PRLR: variants seen among roughly 807,000 people sequenced by gnomAD.
PRLR encodes the protein prolactin receptor, also known as hPRL receptor.
Under a neutral mutation model 40.2 loss-of-function variants are expected in PRLR, and 13 were observed. That is an observed-to-expected ratio of 0.32 (90% CI 0.21 to 0.51). PRLR has a LOEUF of 0.51. Ranked by LOEUF, PRLR falls within the 20% of genes least tolerant of loss-of-function variation. PRLR has a pLI of 0.97. For missense variants in PRLR, 656 were observed against 747.3 expected (o/e 0.88, Z 1.42); for synonymous variants, 269 against 278.7 (o/e 0.97, Z 0.35).
intron 1 of PRLR, among the ~76,000 whole-genome samples, chr5:35,119,382 TCTCTCA>T (rs1346747737): frequency 7.1e-6 from 1 of 139,914 alleles, no homozygotes; most frequent in African/African-American, 3.2e-5. Flanking sequence ...TCTCTCTCTC[TCTCTCA>T]CACACACACA....
At chr5:35,082,755 C>CATTTTAAA (rs1770601264) in intron 5 of PRLR, among the ~76,000 whole-genome samples, 1 of 152,046 alleles carries the variant, frequency 6.6e-6, no homozygotes, top group African/African-American at 2.4e-5. Context: ...GAAAATGTAC[C>CATTTTAAA]GTGCATTTTA....
intron 1 of PRLR, among the ~76,000 whole-genome samples, chr5:35,144,373 TTA>T: frequency 6.6e-6 from 1 of 152,278 alleles, no homozygotes; most frequent in Non-Finnish European, 1.5e-5. Flanking sequence ...AGAATGTAAT[TTA>T]TGTGTTGTAT....
intron 1 of PRLR, among the ~76,000 whole-genome samples, chr5:35,223,232 G>T (rs969464072): frequency 6.6e-6 from 1 of 152,174 alleles, no homozygotes; most frequent in African/African-American, 2.4e-5. Flanking sequence ...TTCATTTTAT[G>T]TCCCATGATT....
At chr5:35,218,217 G>A (rs1290660148) in intron 1 of PRLR, among the ~76,000 whole-genome samples, 3 of 152,028 alleles carry the variant, frequency 2.0e-5, no homozygotes, top group Admixed American at 6.6e-5. Context: ...GAAGTCAACC[G>A]TAAGAAATAC....
At chr5:35,100,120 G>T (rs577237936) in intron 2 of PRLR, among the ~76,000 whole-genome samples, 1 of 150,802 alleles carries the variant, frequency 6.6e-6, no homozygotes, top group Admixed American at 6.6e-5. Context: ...GGAGTTTGCA[G>T]TGAGCCGAGA....
At chr5:35,103,792 A>G (rs892830315) in intron 2 of PRLR, among the ~76,000 whole-genome samples, 5 of 152,208 alleles carry the variant, frequency 3.3e-5, no homozygotes, top group Non-Finnish European at 7.3e-5. Context: ...ATGCTTTGCC[A>G]ATGCTCTCAA....
intron 5 of PRLR, among the ~76,000 whole-genome samples, chr5:35,079,798 C>T (rs1018301696): frequency 1.3e-5 from 2 of 152,206 alleles, no homozygotes; most frequent in Non-Finnish European, 2.9e-5. Context: ...TACTACAAGG[C>T]TACAGTAACC....
chr5:35,120,792 T>A (rs1013300569), intron 1 of PRLR, among the ~76,000 whole-genome samples: 1 of 152,200 alleles, frequency 6.6e-6, no homozygotes, highest in South Asian at 2.1e-4. Context: ...GGAAAAAGCA[T>A]GTTGTTTATC....
chr5:35,190,381 G>T (rs1561356723), intron 1 of PRLR, among the ~76,000 whole-genome samples: 2 of 152,106 alleles, frequency 1.3e-5, no homozygotes, highest in Non-Finnish European at 2.9e-5. Flanking sequence ...GATGCGAGTG[G>T]ATCGCTTGAG....
chr5:35,181,869 T>A (rs1775305303), intron 1 of PRLR, among the ~76,000 whole-genome samples: 1 of 152,170 alleles, frequency 6.6e-6, no homozygotes, highest in African/African-American at 2.4e-5. Context: ...GAGACATGAT[T>A]CCAGTAGTCC....
At chr5:35,218,914 A>G (rs1007658523) in intron 1 of PRLR, among the ~76,000 whole-genome samples, 2 of 152,174 alleles carry the variant, frequency 1.3e-5, no homozygotes, top group African/African-American at 4.8e-5. Context: ...GGGTGGGTAC[A>G]ACACAGAAAC....
chr5:35,095,964 G>T (rs928181386), intron 2 of PRLR, among the ~76,000 whole-genome samples: 1 of 152,186 alleles, frequency 6.6e-6, no homozygotes, highest in African/African-American at 2.4e-5. Context: ...GTTCCACTGA[G>T]GAAAGAACTT....
At chr5:35,115,027 T>C (rs576774852) in intron 2 of PRLR, among the ~76,000 whole-genome samples, 94 of 152,202 alleles carry the variant, frequency 6.2e-4, no homozygotes, top group Non-Finnish European at 1.1e-3. Context: ...TGGTATTCAG[T>C]AGAACTTTCA....
intron 2 of PRLR, among the ~76,000 whole-genome samples, chr5:35,113,237 T>C (rs1007117916): frequency 1.4e-5 from 2 of 140,334 alleles, no homozygotes; most frequent in African/African-American, 2.7e-5. Flanking sequence ...TTTCCATCCA[T>C]CTATCAACCA....
At chr5:35,072,524 T>C in intron 6 of PRLR, 51 bp downstream of exon 6, 9 of 1,566,830 alleles carry the variant, frequency 5.7e-6, no homozygotes, top group Non-Finnish European at 7.8e-6. Context: ...TGTGAGGGCT[T>C]TATCCTTGCC....
intron 1 of PRLR, among the ~76,000 whole-genome samples, chr5:35,168,591 T>C (rs919451658): frequency 6.6e-6 from 1 of 151,888 alleles, no homozygotes; most frequent in Non-Finnish European, 1.5e-5. Flanking sequence ...GCAATATACT[T>C]TTAATAAACC....
intron 1 of PRLR, among the ~76,000 whole-genome samples, chr5:35,146,146 C>A (rs569367460): frequency 8.2e-4 from 125 of 152,288 alleles, no homozygotes; most frequent in African/African-American, 2.8e-3. Context: ...TTCTACCAAC[C>A]AGTCCTTGTA....
intron 2 of PRLR, among the ~76,000 whole-genome samples, chr5:35,101,222 C>T (rs1378352562): frequency 6.6e-6 from 1 of 152,182 alleles, no homozygotes; most frequent in Non-Finnish European, 1.5e-5. Flanking sequence ...TTCAACAACA[C>T]CTGTTGGGTG....
At chr5:35,156,839 A>T (rs544000783) in intron 1 of PRLR, among the ~76,000 whole-genome samples, 3 of 152,248 alleles carry the variant, frequency 2.0e-5, no homozygotes, top group East Asian at 3.9e-4. Flanking sequence ...TGTGGCCCTA[A>T]GCCCACTTGC....
Sources: allele counts gnomAD v4.1 joint callset (sites outside exome capture counted in the v4.1 genomes callset), GRCh38; gene constraint gnomAD v4.1.1; transcripts MANE v1.5; gene names NCBI Gene and HGNC (gene_info 2026-07-23, HGNC 2026-07-21).